Variants in NXPH2 observed in about 807,000 individuals in gnomAD.
NXPH2 encodes neurexophilin 2, also known as neurexophilin-2.
Under a neutral mutation model 19.8 loss-of-function variants are expected in NXPH2, and 5 were observed. The observed-to-expected ratio is 0.25, with a 90% CI of 0.13 to 0.53. The LOEUF (loss-of-function observed/expected upper bound fraction) is 0.53, where lower values mean the gene tolerates loss of function less well. NXPH2 is among the 20% of genes least tolerant of loss of function. The pLI, the probability that NXPH2 is intolerant of heterozygous loss-of-function variation, is 0.96. For synonymous variants in NXPH2, 154 were observed against 127.4 expected, an observed-to-expected ratio of 1.21 and a Z score of -1.41; for missense variants, 289 against 322.8, an observed-to-expected ratio of 0.90 and a Z score of 0.80.
At chr2:138,722,411 G>C (rs1465497160) in intron 1 of NXPH2, among the ~76,000 whole-genome samples, 4 of 152,218 alleles carry the variant, frequency 2.6e-5, no homozygotes, top group Non-Finnish European at 4.4e-5. Context: ...AGTATGTGTG[G>C]TTGGAGCGGA....
At chr2:138,722,715 CGTTT>C (rs1681300397) in intron 1 of NXPH2, among the ~76,000 whole-genome samples, 1 of 152,190 alleles carries the variant, frequency 6.6e-6, no homozygotes, top group South Asian at 2.1e-4. Context: ...TTCTAGATAA[CGTTT>C]AGAAGGTGGT....
At chr2:138,701,290 A>G (rs1475385178) in intron 1 of NXPH2, among the ~76,000 whole-genome samples, 3 of 152,192 alleles carry the variant, frequency 2.0e-5, no homozygotes, top group South Asian at 2.1e-4. Context: ...GGGAATGCCC[A>G]TTGGTTGGCA....
rs147334800 is a variant in NXPH2, at chr2:138,672,572, A to T, written c.52-907T>A. On this transcript the variant is annotated intron_variant, in intron 1 of 1. Coordinates refer to ENST00000272641, the MANE Select transcript of NXPH2 (RefSeq NM_007226.3). The stretch of plus-strand genomic sequence containing the variant: ...TTGAGGGACAGGATCACTGTATATG[A>T]TGCTGTTGCATGGAGTGAATATTTA... Among the ~76,000 whole-genome samples the T allele has an allele frequency of 2.4e-3, 359 of 152,316 alleles. 5 individuals are homozygous for T. The highest frequency in any genetic ancestry group is 8.2e-3 in the African/African-American group (339 of 41,556).
intron 1 of NXPH2, among the ~76,000 whole-genome samples, chr2:138,728,889 C>CA (rs1681402341): frequency 6.6e-6 from 1 of 152,200 alleles, no homozygotes; most frequent in South Asian, 2.1e-4. Flanking sequence ...ATCATGCAAA[C>CA]ACAGTCAAAG....
Position 138,670,828 on chromosome 2 carries a change from CA to C in NXPH2, c.*93del. ...GGGAACTATTGTTCACTGCCAGAAACAAAAGGGATCCTTTATCATAAAGAGC... is the reference window on the plus strand; with the variant it reads ...GGGAACTATTGTTCACTGCCAGAAACAAAGGGATCCTTTATCATAAAGAGC... On this transcript the variant is annotated 3_prime_UTR_variant, in exon 2 of 2. Coordinates refer to ENST00000272641, the MANE Select transcript of NXPH2 (RefSeq NM_007226.3). 7.3e-7 allele frequency: 1 copy of C among 1,364,434 alleles called. No individual in the cohort carries two copies. The highest frequency in any genetic ancestry group is 9.9e-7 in the Non-Finnish European group (1 of 1,010,642). 84.5% of individuals were successfully genotyped at this position (1,364,434 alleles called of 1,614,324 possible).
rs1387144735 is a variant in NXPH2 at position 138,698,255 on chromosome 2, T to C, written c.52-26590A>G. Among the ~76,000 whole-genome samples, 3 of 152,236 alleles carry C rather than the reference T, an allele frequency of 2.0e-5. No homozygotes were observed. In the East Asian group the frequency reaches 5.8e-4, roughly 29 times the overall value. On this transcript the variant is annotated intron_variant, in intron 1 of 1. Coordinates refer to ENST00000272641, the MANE Select transcript of NXPH2 (RefSeq NM_007226.3). ...TTTTAAATGATATGGGTTTTAATAATATGGGGGATACTCATTTCTATAATG... is the reference window on the plus strand; with the variant it reads ...TTTTAAATGATATGGGTTTTAATAACATGGGGGATACTCATTTCTATAATG...
chr2:138,736,524 C>A (rs1262139658), intron 1 of NXPH2, among the ~76,000 whole-genome samples: 1 of 152,162 alleles, frequency 6.6e-6, no homozygotes, highest in Non-Finnish European at 1.5e-5. Flanking sequence ...GTCTCCTGGT[C>A]CAGCCCATGA....
intron 1 of NXPH2, among the ~76,000 whole-genome samples, chr2:138,676,268 C>T (rs1417904793): frequency 6.6e-6 from 1 of 152,162 alleles, no homozygotes; most frequent in Non-Finnish European, 1.5e-5. Context: ...TATCTCCCCT[C>T]CCAACTTTCA....
chr2:138,705,075 C>T (rs1229733765), intron 1 of NXPH2, among the ~76,000 whole-genome samples: 1 of 152,062 alleles, frequency 6.6e-6, no homozygotes, highest in Non-Finnish European at 1.5e-5. Context: ...GATCTGCCTG[C>T]CTCGGCCTCC....
intron 1 of NXPH2, among the ~76,000 whole-genome samples, chr2:138,765,285 T>C (rs1232107355): frequency 6.6e-6 from 1 of 152,210 alleles, no homozygotes; most frequent in Non-Finnish European, 1.5e-5. Flanking sequence ...TATAAAGGGA[T>C]TGAGCAGCAG....
chr2:138,748,363 T>G (rs1477443533), intron 1 of NXPH2, among the ~76,000 whole-genome samples: 1 of 152,220 alleles, frequency 6.6e-6, no homozygotes, highest in Non-Finnish European at 1.5e-5. Flanking sequence ...TCATCATTTG[T>G]ATCTTCTGCA....
chr2:138,755,106 T>C (rs1056235085), intron 1 of NXPH2, among the ~76,000 whole-genome samples: 8 of 152,156 alleles, frequency 5.3e-5, no homozygotes, highest in Non-Finnish European at 1.2e-4. Context: ...ACAAGTTCTT[T>C]ATCAGATATA....
chr2:138,772,517 G>C (rs774871965), intron 1 of NXPH2, among the ~76,000 whole-genome samples: 8 of 152,086 alleles, frequency 5.3e-5, no homozygotes, highest in Non-Finnish European at 1.0e-4. Context: ...AGCTGGTCTC[G>C]AACTCCCGAC....
At chr2:138,721,263 C>A (rs572577997) in intron 1 of NXPH2, among the ~76,000 whole-genome samples, 1 of 151,928 alleles carries the variant, frequency 6.6e-6, no homozygotes, top group South Asian at 2.1e-4. Flanking sequence ...ATCGCTTGAA[C>A]CCGGGAAGTG....
rs911031483 is a variant in NXPH2, at chr2:138,780,269, G to A, written c.-28C>T. 157 of 1,412,330 alleles carry A rather than the reference G, an allele frequency of 1.1e-4. 1 individual carries two copies. The African/African-American group carries it at 2.2e-3, about 20-fold the overall frequency. 87.5% of individuals were successfully genotyped at this position (1,412,330 alleles called of 1,614,324 possible). A position where few individuals can be genotyped will look rare whatever the true frequency, so the allele number is the denominator to read the frequency against. ...TGCCGGCTGGCGCGGCTTTTCACGA[G>A]CTGCGCGCCCTCGCCTGCCTCTCGC... On this transcript the variant is annotated 5_prime_UTR_variant, in exon 1 of 2. Coordinates refer to ENST00000272641, the MANE Select transcript of NXPH2 (RefSeq NM_007226.3).
At chr2:138,686,543 A>ATTTAT (rs138153509) in intron 1 of NXPH2, among the ~76,000 whole-genome samples, 12 of 151,520 alleles carry the variant, frequency 7.9e-5, no homozygotes, top group African/African-American at 2.9e-4. Flanking sequence ...ATTGTTATTT[A>ATTTAT]TTTATTTTAT....
intron 1 of NXPH2, among the ~76,000 whole-genome samples, chr2:138,674,021 G>C (rs1335712878): frequency 6.6e-6 from 1 of 151,964 alleles, no homozygotes; most frequent in Admixed American, 6.6e-5. Flanking sequence ...ATATCACTCT[G>C]TCACCCAGGC....
chr2:138,685,960 A>T (rs1165367916), intron 1 of NXPH2, among the ~76,000 whole-genome samples: 2 of 152,024 alleles, frequency 1.3e-5, no homozygotes, highest in East Asian at 3.9e-4. Context: ...ACTTGATCTT[A>T]TTCATCGTAT....
intron 1 of NXPH2, among the ~76,000 whole-genome samples, chr2:138,676,566 G>A (rs989172573): frequency 1.3e-5 from 2 of 152,112 alleles, no homozygotes; most frequent in African/African-American, 4.8e-5. Context: ...TAATGCCATT[G>A]TCACCCCTTG....
Sources: allele counts gnomAD v4.1 joint callset (sites outside exome capture counted in the v4.1 genomes callset), GRCh38; gene constraint gnomAD v4.1.1; transcripts MANE v1.5; gene names NCBI Gene and HGNC (gene_info 2026-07-23, HGNC 2026-07-21).